MCC: variants seen among roughly 807,000 people sequenced by gnomAD.
MCC encodes colorectal mutant cancer protein.
A neutral mutation model predicts 116.2 loss-of-function variants in MCC; 90 were observed. That is an observed-to-expected ratio of 0.77 (90% CI 0.65 to 0.92). The LOEUF (loss-of-function observed/expected upper bound fraction) is 0.92. Ranked by LOEUF, MCC falls within the 40% of genes least tolerant of loss-of-function variation. The pLI is 0.00. For missense variants in MCC, 1,516 were observed against 1,312.2 expected (o/e 1.16, Z -2.40); for synonymous variants, 578 against 510.5 (o/e 1.13, Z -1.78).
chr5:113,060,686 C>A (rs568726470), intron 14 of MCC, among the ~76,000 whole-genome samples: 1 of 152,152 alleles, frequency 6.6e-6, no homozygotes, highest in Non-Finnish European at 1.5e-5. Context: ...AGAAAAAAAA[C>A]CATAAAAAGC....
At chr5:113,401,363 A>C (rs1169985860) in intron 1 of MCC, among the ~76,000 whole-genome samples, 1 of 152,142 alleles carries the variant, frequency 6.6e-6, no homozygotes, top group African/African-American at 2.4e-5. Context: ...GTAGAAGATA[A>C]AGCAAAATTT....
intron 1 of MCC, among the ~76,000 whole-genome samples, chr5:113,418,948 G>C (rs772233703): frequency 6.6e-6 from 1 of 152,102 alleles, no homozygotes; most frequent in South Asian, 2.1e-4. Context: ...ACCAACCAAA[G>C]AGGGATGCGT....
intron 6 of MCC, among the ~76,000 whole-genome samples, chr5:113,112,980 G>A (rs1178769764): frequency 1.3e-5 from 2 of 152,224 alleles, no homozygotes; most frequent in African/African-American, 2.4e-5. Flanking sequence ...TGAAGTTAGA[G>A]ACATAAGTCA....
chr5:113,480,201 C>G (rs935889802), intron 1 of MCC, among the ~76,000 whole-genome samples: 1 of 152,212 alleles, frequency 6.6e-6, no homozygotes, highest in African/African-American at 2.4e-5. Context: ...TCCATTAAAT[C>G]TGACAACCTT....
At chr5:113,209,993 TATG>T (rs1172550755) in intron 3 of MCC, among the ~76,000 whole-genome samples, 3 of 152,226 alleles carry the variant, frequency 2.0e-5, no homozygotes, top group Non-Finnish European at 4.4e-5. Flanking sequence ...ATAAGATTGG[TATG>T]ATATGGTCTC....
chr5:113,046,710 A>T (rs4235777), intron 16 of MCC, among the ~76,000 whole-genome samples: 2 of 102,462 alleles, frequency 2.0e-5, no homozygotes, highest in Admixed American at 9.9e-5. Flanking sequence ...AAAAAAAAAA[A>T]AGAGAGAGAT....
intron 17 of MCC, among the ~76,000 whole-genome samples, chr5:113,032,745 C>T (rs1407417386): frequency 5.9e-5 from 9 of 152,138 alleles, no homozygotes; most frequent in Non-Finnish European, 1.2e-4. Context: ...GATAGGAGGT[C>T]AGCACAAAAT....
intron 5 of MCC, among the ~76,000 whole-genome samples, chr5:113,137,855 G>C (rs542641896): frequency 9.9e-5 from 15 of 152,020 alleles, no homozygotes; most frequent in Non-Finnish European, 1.9e-4. Context: ...TTACCTCTCA[G>C]ATGGTGCCAT....
At chr5:113,152,819 AT>A (rs1759959871) in intron 3 of MCC, among the ~76,000 whole-genome samples, 1 of 151,728 alleles carries the variant, frequency 6.6e-6, no homozygotes, top group South Asian at 2.1e-4. Flanking sequence ...TCAATAGCCG[AT>A]TTGAAATCAG....
At chr5:113,329,852 C>T (rs1421398679) in intron 3 of MCC, among the ~76,000 whole-genome samples, 1 of 152,194 alleles carries the variant, frequency 6.6e-6, no homozygotes, top group Non-Finnish European at 1.5e-5. Context: ...GAAAGCAGGG[C>T]TCCCTTCTAC....
chr5:113,388,791 A>G (rs1157775755), intron 1 of MCC, among the ~76,000 whole-genome samples: 2 of 152,198 alleles, frequency 1.3e-5, no homozygotes, highest in Non-Finnish European at 2.9e-5. Flanking sequence ...ATAGACTAAC[A>G]TGTCCCCATT....
intron 6 of MCC, among the ~76,000 whole-genome samples, chr5:113,106,023 C>T (rs1039707493): frequency 2.0e-5 from 3 of 152,202 alleles, no homozygotes; most frequent in African/African-American, 7.2e-5. Flanking sequence ...TGCACAATGG[C>T]AACTTTAGGT....
At chr5:113,333,854 C>CATATATGT (rs1453668993) in intron 3 of MCC, among the ~76,000 whole-genome samples, 1 of 95,262 alleles carries the variant, frequency 1.0e-5, no homozygotes, top group African/African-American at 3.7e-5. Context: ...TATATATGTA[C>CATATATGT]ATATATGTAT....
Position 113,147,241 on chromosome 5 carries a change from C to A in MCC, c.742-3881G>T, listed in dbSNP as rs543801097. 5.9e-5 allele frequency among the ~76,000 whole-genome samples: 9 copies of A among 152,244 alleles called. No homozygotes were observed. In the South Asian group the frequency reaches 1.9e-3, roughly 32 times the overall value. ...AAACAAGCAACATCGTCATTTCAAC[C>A]ACTGAGAATAAAATCCTTTAGGCTC... On this transcript the variant is annotated intron_variant, in intron 4 of 18. Transcript: ENST00000408903.
At chr5:113,216,325 A>G (rs1051482431) in intron 3 of MCC, among the ~76,000 whole-genome samples, 6 of 152,108 alleles carry the variant, frequency 3.9e-5, no homozygotes, top group Admixed American at 1.3e-4. Context: ...CTGCTGCCCA[A>G]TGAAGGTATA....
At chr5:113,078,383 G>C (rs74427065) in intron 11 of MCC, among the ~76,000 whole-genome samples, 3,217 of 152,292 alleles carry the variant, frequency 0.021, 95 homozygotes, top group African/African-American at 0.066. Context: ...CAATATCCCT[G>C]ATGAACATTG....
chr5:113,312,389 A>G (rs1287642946), intron 3 of MCC, among the ~76,000 whole-genome samples: 1 of 152,224 alleles, frequency 6.6e-6, no homozygotes, highest in Non-Finnish European at 1.5e-5. Flanking sequence ...GTTAAGGAAC[A>G]TTTCTTTAAG....
intron 1 of MCC, among the ~76,000 whole-genome samples, chr5:113,472,387 T>C (rs560990346): frequency 6.6e-6 from 1 of 152,366 alleles, no homozygotes; most frequent in African/African-American, 2.4e-5. Context: ...GCCTAGTTGA[T>C]TGTTTATTCT....
intron 6 of MCC, 36 bp from the exon 7 acceptor site, chr5:113,104,391 G>C (rs1756612816): frequency 1.3e-6 from 2 of 1,553,042 alleles, no homozygotes; most frequent in Non-Finnish European, 1.7e-6. Flanking sequence ...GTTACACAGG[G>C]CAACAAATGC....
Sources: gnomAD v4.1 joint callset for allele counts (sites outside exome capture counted in the v4.1 genomes callset) on GRCh38, gnomAD v4.1.1 for gene constraint, MANE v1.5 for transcripts, NCBI Gene and HGNC (gene_info 2026-07-23, HGNC 2026-07-21) for gene names.